The following CHLSN variants were observed in gnomAD, a reference collection of about 807,000 sequenced individuals.
CHLSN encodes the protein cholesin.
chr7:1,067,098 CTG>C, the CHLSN span, among the ~76,000 whole-genome samples: 5 of 145,378 alleles, frequency 3.4e-5, no homozygotes, highest in Admixed American at 6.9e-5. Flanking sequence ...GGGGCACAGT[CTG>C]TTGGCGGAGG....
chr7:1,019,590 C>T, the CHLSN span, among the ~76,000 whole-genome samples: 13 of 152,248 alleles, frequency 8.5e-5, no homozygotes, highest in African/African-American at 3.1e-4. Flanking sequence ...GCGGAGGTGG[C>T]CGTGGGGCTG....
chr7:984,269 T>A, the CHLSN span: 22 of 1,133,842 alleles, frequency 1.9e-5, no homozygotes, highest in East Asian at 4.3e-4. Context: ...ACCACTGGCT[T>A]TATGGCATCT....
At chr7:1,054,290 G>A in the CHLSN span, among the ~76,000 whole-genome samples, 1 of 152,200 alleles carries the variant, frequency 6.6e-6, no homozygotes, top group African/African-American at 2.4e-5. Flanking sequence ...AACCTTCACT[G>A]GAAACAGAAA....
At chr7:1,022,355 C>A in the CHLSN span, among the ~76,000 whole-genome samples, 1 of 152,254 alleles carries the variant, frequency 6.6e-6, no homozygotes, top group Admixed American at 6.5e-5. Context: ...ACAGCCCTCT[C>A]ATGGGGCACC....
At chr7:1,114,335 G>T in the CHLSN span, among the ~76,000 whole-genome samples, 3 of 152,266 alleles carry the variant, frequency 2.0e-5, no homozygotes, top group African/African-American at 7.2e-5. Flanking sequence ...CGCAGCTGGG[G>T]AGTGACCTCA....
chr7:1,109,551 G>A, the CHLSN span: 1 of 152,254 alleles, frequency 6.6e-6, no homozygotes, highest in African/African-American at 2.4e-5. Context: ...GCACGCAGTC[G>A]CTCCACACCC....
chr7:1,059,852 TAGTGGGGCGGGTCTG>T, the CHLSN span, among the ~76,000 whole-genome samples: 1 of 37,250 alleles, frequency 2.7e-5, no homozygotes. Flanking sequence ...GGCGGGTCCG[TAGTGGGGCGGGTCTG>T]TAGTGGGGCG....
the CHLSN span, chr7:1,010,075 C>T: frequency 1.9e-6 from 3 of 1,612,752 alleles, no homozygotes; most frequent in Non-Finnish European, 1.7e-6. Flanking sequence ...GCTTCCTTTC[C>T]AGGACCCTCT....
the CHLSN span, among the ~76,000 whole-genome samples, chr7:990,438 C>T: frequency 0.16 from 23,843 of 149,268 alleles, 2,242 homozygotes; most frequent in Admixed American, 0.22. Flanking sequence ...CCCGTCCCAG[C>T]GCTGACCATG....
At chr7:1,038,416 G>C in the CHLSN span, among the ~76,000 whole-genome samples, 3 of 83,536 alleles carry the variant, frequency 3.6e-5, no homozygotes, top group Admixed American at 2.1e-4. Context: ...CAGCCACCCC[G>C]TCCGGGAGGG....
chr7:1,054,418 T>C, the CHLSN span, among the ~76,000 whole-genome samples: 1 of 152,188 alleles, frequency 6.6e-6, no homozygotes, highest in Non-Finnish European at 1.5e-5. Context: ...CAGGAGAACT[T>C]TCCACCTGAA....
chr7:1,136,275 A>AAAATATATAT, the CHLSN span, among the ~76,000 whole-genome samples: 2 of 115,432 alleles, frequency 1.7e-5, no homozygotes, highest in Non-Finnish European at 3.2e-5. Flanking sequence ...ATAAATATAT[A>AAAATATATAT]AAATATATAT....
chr7:1,081,629 A>G, the CHLSN span, among the ~76,000 whole-genome samples: 9 of 152,182 alleles, frequency 5.9e-5, no homozygotes, highest in African/African-American at 2.2e-4. Flanking sequence ...ACCTCATGCC[A>G]TACACAGCAC....
the CHLSN span, among the ~76,000 whole-genome samples, chr7:1,037,534 C>A: frequency 2.1e-3 from 308 of 144,906 alleles, 40 homozygotes; most frequent in Non-Finnish European, 2.9e-3. Flanking sequence ...GACGGAGTCT[C>A]GTTCACTCAG....
At chr7:1,053,747 A>T in the CHLSN span, among the ~76,000 whole-genome samples, 1 of 152,178 alleles carries the variant, frequency 6.6e-6, no homozygotes, top group African/African-American at 2.4e-5. Context: ...GAATCGCTTG[A>T]ACCCGGGAGG....
At chr7:986,779 C>T in the CHLSN span, 1 of 1,581,196 alleles carries the variant, frequency 6.3e-7, no homozygotes, top group Admixed American at 1.8e-5. Flanking sequence ...ATGTGGACGC[C>T]CTGATCCAGC....
At chr7:1,059,587 C>T in the CHLSN span, among the ~76,000 whole-genome samples, 8 of 101,400 alleles carry the variant, frequency 7.9e-5, no homozygotes, top group Non-Finnish European at 1.5e-4. Flanking sequence ...CCTAGTGAGG[C>T]GGGTCCCGAG....
At chr7:1,069,098 C>T in the CHLSN span, among the ~76,000 whole-genome samples, 5 of 152,116 alleles carry the variant, frequency 3.3e-5, no homozygotes, top group Non-Finnish European at 5.9e-5. Context: ...TTTGGGAGGC[C>T]GAGGCGGGCG....
At chr7:1,133,016 G>T in the CHLSN span, among the ~76,000 whole-genome samples, 6 of 152,052 alleles carry the variant, frequency 3.9e-5, no homozygotes, top group Non-Finnish European at 7.4e-5. Flanking sequence ...ATATTCAAGC[G>T]GTGGAAACAA....
Sources: allele counts gnomAD v4.1 joint callset (sites outside exome capture counted in the v4.1 genomes callset), GRCh38; gene constraint gnomAD v4.1.1; transcripts MANE v1.5; gene names NCBI Gene and HGNC (gene_info 2026-07-23, HGNC 2026-07-21).